Variants in BCDIN3D observed in about 807,000 individuals in gnomAD.
BCDIN3D encodes the protein RNA 5'-monophosphate methyltransferase.
BCDIN3D carries 15 observed loss-of-function variants against 21.2 expected under a neutral mutation model. The observed-to-expected ratio is 0.71, with a 90% CI of 0.47 to 1.09. The LOEUF (loss-of-function observed/expected upper bound fraction) is 1.09, where lower values mean the gene tolerates loss of function less well. Among genes scored for constraint, BCDIN3D ranks in the 50% least tolerant of loss-of-function variants. The pLI is 0.00. For synonymous variants in BCDIN3D, 127 were observed against 141.9 expected (o/e 0.90, Z 0.75); for missense variants, 331 against 366.2 (o/e 0.90, Z 0.79).
Position 49,838,274 on chromosome 12 carries a change from T to C in BCDIN3D, c.*97A>G. 1 of 1,309,182 alleles carries C rather than the reference T, an allele frequency of 7.6e-7. No homozygotes were observed. Among genetic ancestry groups the C allele is most frequent in the East Asian group, 2.3e-5 (1 of 42,990 alleles). 81.1% of individuals were successfully genotyped at this position (1,309,182 alleles called of 1,614,324 possible). ...TTTTACCAAAAGCTCCTGCCAGGTT[T>C]TGCGGCTGCCTGATTGTTAAGGAAT... is the stretch of plus-strand genomic sequence containing the variant. On this transcript the variant is annotated 3_prime_UTR_variant, in exon 2 of 2. Transcript: ENST00000333924.
chr12:49,837,281 T>TGTTG lies in BCDIN3D; in HGVS notation c.*1089_*1090insCAAC, dbSNP rs1946512956. 8.6e-6 allele frequency: 1 copy of TGTTG among 115,858 alleles called. No homozygotes were observed. Among genetic ancestry groups the TGTTG allele is most frequent in the African/African-American group, 3.5e-5 (1 of 28,256 alleles). 7.2% of individuals were successfully genotyped at this position (115,858 alleles called of 1,614,324 possible). A position where few individuals can be genotyped will look rare whatever the true frequency, so the allele number is the denominator to read the frequency against. On this transcript the variant is annotated 3_prime_UTR_variant, in exon 2 of 2. Coordinates refer to ENST00000333924, the MANE Select transcript of BCDIN3D (RefSeq NM_181708.3). ...TAAGCATGTAGGTAGTTGTTTTTTT[T>TGTTG]TTTGTTTTTTTTTTTTTTTTTTTTG...
intron 1 of BCDIN3D, among the ~76,000 whole-genome samples, chr12:49,841,948 A>G (rs576495631): frequency 6.6e-6 from 1 of 152,310 alleles, no homozygotes; most frequent in Non-Finnish European, 1.5e-5. Flanking sequence ...CTTATTTTGC[A>G]TGTGGTTTGA....
At chr12:49,842,252 TG>T (rs1409180126) in intron 1 of BCDIN3D, 1 of 152,274 alleles carries the variant, frequency 6.6e-6, no homozygotes, top group African/African-American at 2.4e-5. Context: ...GCTAATTTTT[TG>T]TATTTTTAGT....
rs1946505064 is a variant in BCDIN3D at position 49,836,304 on chromosome 12, G to A, written c.*2067C>T. 2 of 152,070 alleles carry A rather than the reference G, an allele frequency of 1.3e-5. No homozygotes were observed. Among genetic ancestry groups the A allele is most frequent in the East Asian group, 1.9e-4 (1 of 5,192 alleles). The allele number at this position is 152,070 out of a possible 1,614,324, so 9.4% of individuals were successfully genotyped here. A position where few individuals can be genotyped will look rare whatever the true frequency, so the allele number is the denominator to read the frequency against. On this transcript the variant is annotated 3_prime_UTR_variant, in exon 2 of 2. Coordinates refer to ENST00000333924, the MANE Select transcript of BCDIN3D (RefSeq NM_181708.3). Reference sequence around the variant, plus strand: ...AAGAACACTGATGATTGCACTTAGGGTATATTCTGATCATCCAGATTAATC... The same window carrying A: ...AAGAACACTGATGATTGCACTTAGGATATATTCTGATCATCCAGATTAATC...
chr12:49,841,245 T>C (rs965416254), intron 1 of BCDIN3D: 21 of 152,132 alleles, frequency 1.4e-4, no homozygotes, highest in African/African-American at 5.1e-4. Context: ...ACCTAAGAAA[T>C]TATAAACAGT....
rs775295129 is a variant in BCDIN3D, at chr12:49,842,823, C to T, written c.234+31G>A. On this transcript the variant is annotated intron_variant, in intron 1 of 1. Transcript: ENST00000333924. ...GTGTAGGCAGCCAACCACTTGGCTC[C>T]GGATGCTCCAATCCCTCCCCTGTCA... is the stretch of plus-strand genomic sequence containing the variant. 4 of 1,553,904 alleles carry T rather than the reference C, an allele frequency of 2.6e-6. No homozygotes were observed. In the Admixed American group the frequency reaches 5.5e-5, roughly 21 times the overall value.
chr12:49,838,806 A>C lies in BCDIN3D; in HGVS notation c.444T>G (p.Ser148=). 1 of 1,614,250 alleles carries C rather than the reference A, an allele frequency of 6.2e-7. No homozygotes were observed. The highest frequency in any genetic ancestry group is 1.1e-5 in the South Asian group (1 of 91,084). ...NQRTRKVLLS[S]FLSQFGRSVF... ...CTGAACGTCCAAATTGGCTTAAGAA[A>C]GAGCTCAAGAGAACCTTCCGGGTCC... The change falls in exon 2 of 2, where the codon TCT becomes TCG. Residue 148 remains serine, a synonymous_variant. Coordinates refer to ENST00000333924, the MANE Select transcript of BCDIN3D (RefSeq NM_181708.3).
At position 49,838,589 on chromosome 12, in the gene BCDIN3D, A is replaced by G. The variant is rs376208267; in HGVS notation, c.661T>C (p.Phe221Leu). 6.2e-7 allele frequency: 1 copy of G among 1,613,976 alleles called. No individual in the cohort carries two copies. Among genetic ancestry groups the G allele is most frequent in the African/African-American group, 1.3e-5 (1 of 74,922 alleles). ...TCACCTCGGATGGCAAGGGAGTGGA[A>G]GTGGTCAAAATCATGGAGTCCCAGC... ...RKLGLHDFDH[F>L]HSLAIRGDMP... The change falls in exon 2 of 2, where the codon TTC becomes CTC. Residue 221 changes from phenylalanine to leucine, a missense_variant. Physicochemically the swap from Phe to Leu is conservative, Grantham distance 22. Transcript: ENST00000333924.
At position 49,836,996 on chromosome 12, in the gene BCDIN3D, T is replaced by C. The variant is rs1357575604; in HGVS notation, c.*1375A>G. The C allele has an allele frequency of 1.3e-5, 2 of 152,188 alleles. No individual in the cohort carries two copies. Among genetic ancestry groups the C allele is most frequent in the Non-Finnish European group, 2.9e-5 (2 of 68,028 alleles). 9.4% of individuals were successfully genotyped at this position (152,188 alleles called of 1,614,324 possible). On this transcript the variant is annotated 3_prime_UTR_variant, in exon 2 of 2. Coordinates refer to ENST00000333924, the MANE Select transcript of BCDIN3D (RefSeq NM_181708.3). ...ACACATGTATGGAATGAAACTTACA[T>C]GTAATTGATAGAATTTGCTGCTGGA...
rs1378290514 is a variant in BCDIN3D at position 49,837,484 on chromosome 12, T to C, written c.*887A>G. 1 of 151,810 alleles carries C rather than the reference T, an allele frequency of 6.6e-6. No individual in the cohort carries two copies. Among genetic ancestry groups the C allele is most frequent in the African/African-American group, 2.4e-5 (1 of 41,262 alleles). 9.4% of individuals were successfully genotyped at this position (151,810 alleles called of 1,614,324 possible). On this transcript the variant is annotated 3_prime_UTR_variant, in exon 2 of 2. Coordinates refer to ENST00000333924, the MANE Select transcript of BCDIN3D (RefSeq NM_181708.3). The stretch of plus-strand genomic sequence containing the variant: ...TTGTATTTTTAGTAGAGACGGGGTT[T>C]CACCGTTTTAGCCGGGATGGTCTCG...
intron 1 of BCDIN3D, chr12:49,842,299 T>A (rs1313190989): frequency 6.6e-6 from 1 of 152,612 alleles, no homozygotes; most frequent in Non-Finnish European, 1.5e-5. Context: ...CAGGATGGTC[T>A]CGATCTCGTG....
At position 49,837,285 on chromosome 12, in the gene BCDIN3D, G is replaced by GTTTTT. The variant is rs1185335433; in HGVS notation, c.*1081_*1085dup. The GTTTTT allele has an allele frequency of 1.2e-4, 11 of 91,904 alleles. No individual in the cohort carries two copies. Among genetic ancestry groups the GTTTTT allele is most frequent in the Non-Finnish European group, 1.5e-4 (7 of 47,688 alleles). 5.7% of individuals were successfully genotyped at this position (91,904 alleles called of 1,614,324 possible). A position where few individuals can be genotyped will look rare whatever the true frequency, so the allele number is the denominator to read the frequency against. Reference sequence around the variant, plus strand: ...CATGTAGGTAGTTGTTTTTTTTTTTGTTTTTTTTTTTTTTTTTTTTGAGAC... The same window carrying GTTTTT: ...CATGTAGGTAGTTGTTTTTTTTTTTGTTTTTTTTTTTTTTTTTTTTTTTTTGAGAC... On this transcript the variant is annotated 3_prime_UTR_variant, in exon 2 of 2. Transcript: ENST00000333924.
chr12:49,842,828 G>T (rs1388909946), intron 1 of BCDIN3D, 26 bp downstream of exon 1: 1 of 1,560,878 alleles, frequency 6.4e-7, no homozygotes, highest in Non-Finnish European at 8.7e-7. Context: ...GGCTCCGGAT[G>T]CTCCAATCCC....
Position 49,836,440 on chromosome 12 carries a change from C to T in BCDIN3D, c.*1931G>A, listed in dbSNP as rs1174104039. 2.6e-5 allele frequency: 4 copies of T among 152,212 alleles called. No homozygotes were observed. Among genetic ancestry groups the T allele is most frequent in the Admixed American group, 6.5e-5 (1 of 15,276 alleles). 9.4% of individuals were successfully genotyped at this position (152,212 alleles called of 1,614,324 possible). A position where few individuals can be genotyped will look rare whatever the true frequency, so the allele number is the denominator to read the frequency against. ...CCACAGCCCCATGTATGTTTCTGTG[C>T]GCTGCCTTGGTGGAGTGAGAGGAGA... On this transcript the variant is annotated 3_prime_UTR_variant, in exon 2 of 2. Transcript: ENST00000333924.
At position 49,838,023 on chromosome 12, in the gene BCDIN3D, G is replaced by A. The variant is rs1946522320; in HGVS notation, c.*348C>T. 5.7e-6 allele frequency: 1 copy of A among 175,720 alleles called. No homozygotes were observed. Among genetic ancestry groups the A allele is most frequent in the Admixed American group, 5.9e-5 (1 of 16,966 alleles). 10.9% of individuals were successfully genotyped at this position (175,720 alleles called of 1,614,324 possible). ...TCCAGAAGCCTGAAGAAACCAGGTAGGATTCAGAGAGCCCAGGAACTGACA... is the reference window on the plus strand; with the variant it reads ...TCCAGAAGCCTGAAGAAACCAGGTAAGATTCAGAGAGCCCAGGAACTGACA... On this transcript the variant is annotated 3_prime_UTR_variant, in exon 2 of 2. Transcript: ENST00000333924.
At chr12:49,841,399 A>G (rs1238913235) in intron 1 of BCDIN3D, among the ~76,000 whole-genome samples, 5 of 152,200 alleles carry the variant, frequency 3.3e-5, no homozygotes, top group African/African-American at 1.2e-4. Flanking sequence ...AAGATCCACA[A>G]GAAAAAGCAT....
At chr12:49,841,338 A>T (rs1946552067) in intron 1 of BCDIN3D, among the ~76,000 whole-genome samples, 1 of 152,036 alleles carries the variant, frequency 6.6e-6, no homozygotes, top group South Asian at 2.1e-4. Context: ...TGTAGTTTGA[A>T]TTTTTTTGTT....
chr12:49,839,444 A>G (rs1946536858), intron 1 of BCDIN3D: 2 of 162,012 alleles, frequency 1.2e-5, no homozygotes, highest in Admixed American at 1.2e-4. Context: ...CAGCAAGCAC[A>G]ATCTTACAAA....
Position 49,838,629 on chromosome 12 carries a change from T to C in BCDIN3D, c.621A>G (p.Ala207=), listed in dbSNP as rs1946528567. ...GGAGTCCCAGCTTTCGGAGACGCCTTGCAGCTGCCCGGTAACACTTCCAGG... is the reference window on the plus strand; with the variant it reads ...GGAGTCCCAGCTTTCGGAGACGCCTCGCAGCTGCCCGGTAACACTTCCAGG... ...PQPWKCYRAA[A]RRLRKLGLHD... is the part of the protein sequence containing the mutation. The change falls in exon 2 of 2, where the codon GCA becomes GCG. Residue 207 remains alanine (A), a synonymous_variant. Transcript: ENST00000333924. 1 of 1,613,732 alleles carries C rather than the reference T, an allele frequency of 6.2e-7. No homozygotes were observed. Among genetic ancestry groups the C allele is most frequent in the African/African-American group, 1.3e-5 (1 of 74,902 alleles).
Sources: allele counts gnomAD v4.1 joint callset (sites outside exome capture counted in the v4.1 genomes callset), GRCh38; gene constraint gnomAD v4.1.1; transcripts MANE v1.5; gene names NCBI Gene and HGNC (gene_info 2026-07-23, HGNC 2026-07-21).